The following FOXP1 variants were observed in gnomAD, a reference collection of about 807,000 sequenced individuals.
The protein encoded by FOXP1 is forkhead box P1, also known as forkhead box protein P1.
Under a neutral mutation model 98.2 loss-of-function variants are expected in FOXP1, and 15 were observed. The observed-to-expected ratio is 0.15, with a 90% CI of 0.10 to 0.24. The LOEUF is 0.24. Among genes scored for constraint, FOXP1 ranks in the 10% least tolerant of loss-of-function variants. The pLI is 1.00. For missense variants in FOXP1, 633 were observed against 848.5 expected (o/e 0.75, Z 3.15); for synonymous variants, 371 against 314.5 (o/e 1.18, Z -1.90).
intron 2 of FOXP1, among the ~76,000 whole-genome samples, chr3:71,512,676 A>C (rs1252775346): frequency 1.3e-5 from 2 of 152,200 alleles, no homozygotes; most frequent in African/African-American, 4.8e-5. Flanking sequence ...GCCACTTCAT[A>C]CAACAGCTGG....
intron 4 of FOXP1, among the ~76,000 whole-genome samples, chr3:71,313,827 G>C (rs2074884007): frequency 6.6e-6 from 1 of 152,086 alleles, no homozygotes; most frequent in Non-Finnish European, 1.5e-5. Context: ...GCCCGGTCGA[G>C]TATCTGTATT....
At chr3:71,533,921 C>G (rs375319337) in intron 2 of FOXP1, among the ~76,000 whole-genome samples, 1 of 152,116 alleles carries the variant, frequency 6.6e-6, no homozygotes. Context: ...AGAAAAAGCC[C>G]TAAGCCTTGG....
chr3:71,512,947 A>G (rs2042304694), intron 2 of FOXP1, among the ~76,000 whole-genome samples: 1 of 152,226 alleles, frequency 6.6e-6, no homozygotes, highest in Non-Finnish European at 1.5e-5. Context: ...CAAGAGTTAA[A>G]CTGAGCATCT....
At chr3:71,404,466 A>G (rs2082177446) in intron 3 of FOXP1, among the ~76,000 whole-genome samples, 1 of 152,010 alleles carries the variant, frequency 6.6e-6, no homozygotes, top group African/African-American at 2.4e-5. Context: ...CTTTATTGTT[A>G]CTTTTGATAT....
chr3:71,565,586 C>T (rs2046849805), intron 2 of FOXP1, among the ~76,000 whole-genome samples: 1 of 152,132 alleles, frequency 6.6e-6, no homozygotes, highest in African/African-American at 2.4e-5. Flanking sequence ...AAAGCGGCAG[C>T]TTATACTTGG....
At chr3:71,005,169 C>T (rs2042604592) in intron 12 of FOXP1, among the ~76,000 whole-genome samples, 1 of 151,564 alleles carries the variant, frequency 6.6e-6, no homozygotes, top group Non-Finnish European at 1.5e-5. Context: ...GCCCTAGTTT[C>T]CATTATTCTA....
intron 2 of FOXP1, among the ~76,000 whole-genome samples, chr3:71,551,030 T>C (rs1266202118): frequency 6.6e-6 from 1 of 152,172 alleles, no homozygotes; most frequent in African/African-American, 2.4e-5. Flanking sequence ...CTCACTTCAA[T>C]AATATTACCA....
At chr3:71,331,876 T>A (rs2076339560) in intron 4 of FOXP1, among the ~76,000 whole-genome samples, 1 of 94,402 alleles carries the variant, frequency 1.1e-5, no homozygotes, top group Non-Finnish European at 2.6e-5. Context: ...ACACTCTGTA[T>A]CTAGCTAATC....
chr3:71,363,859 GC>G (rs1325782105), intron 3 of FOXP1, among the ~76,000 whole-genome samples: 1 of 152,184 alleles, frequency 6.6e-6, no homozygotes, highest in Non-Finnish European at 1.5e-5. Context: ...AGATCCTGAA[GC>G]CTCTGGCACC....
intron 14 of FOXP1, 28 bp from the exon 15 acceptor site, chr3:70,978,057 A>G (rs1368304747): frequency 1.9e-6 from 3 of 1,604,186 alleles, no homozygotes; most frequent in Admixed American, 1.7e-5. Context: ...ACGTCTTAGA[A>G]GACCTTCAGA....
chr3:71,010,050 T>C (rs1021738525), intron 12 of FOXP1, among the ~76,000 whole-genome samples: 6 of 151,818 alleles, frequency 4.0e-5, no homozygotes, highest in African/African-American at 1.5e-4. Context: ...ACCACCTGTG[T>C]CTTGCCTGGT....
intron 6 of FOXP1, among the ~76,000 whole-genome samples, chr3:71,149,570 T>C (rs2060474757): frequency 6.6e-6 from 1 of 152,236 alleles, no homozygotes; most frequent in South Asian, 2.1e-4. Context: ...AAAAATATTT[T>C]TTAAAACTAC....
chr3:71,046,860 T>C, intron 10 of FOXP1, 82 bp downstream of exon 10: 1 of 1,482,068 alleles, frequency 6.7e-7, no homozygotes, highest in East Asian at 2.3e-5. Context: ...GACAATGTCC[T>C]TAACAAATAT....
At position 71,397,279 on chromosome 3, in the gene FOXP1, T is replaced by C. The variant is rs947558331; in HGVS notation, c.-167-38035A>G. Among the ~76,000 whole-genome samples the C allele has an allele frequency of 4.0e-5, 6 of 151,534 alleles. No individual in the cohort carries two copies. The South Asian group carries it at 8.3e-4, about 21-fold the overall frequency. ...AAAAACCCATTCGGAAGGAACGAGA[T>C]CTAACTGGATTCCAAAGTTCCAAAC... On this transcript the variant is annotated intron_variant, in intron 3 of 20. Coordinates refer to ENST00000649528, the MANE Select transcript of FOXP1 (RefSeq NM_001349338.3).
chr3:71,001,484 C>G (rs775148136), intron 12 of FOXP1, among the ~76,000 whole-genome samples: 1 of 152,030 alleles, frequency 6.6e-6, no homozygotes, highest in Non-Finnish European at 1.5e-5. Flanking sequence ...CATCCATATA[C>G]TGAAATGCAT....
rs527553921 is a variant in FOXP1 at position 71,549,877 on chromosome 3, A to G, written c.-298+31672T>C. On this transcript the variant is annotated intron_variant, in intron 2 of 20. Transcript: ENST00000649528. ...GCTGGGAGTAAAAAAAAAAAAAAAA[A>G]AAAAAAAAACGCTCTCTGGTAAACT... Among the ~76,000 whole-genome samples, 10 of 150,106 alleles carry G rather than the reference A, an allele frequency of 6.7e-5. No homozygotes were observed. The South Asian group carries it at 2.1e-3, about 31-fold the overall frequency.
chr3:71,409,288 G>A (rs926249384), intron 3 of FOXP1, among the ~76,000 whole-genome samples: 1 of 152,054 alleles, frequency 6.6e-6, no homozygotes. Flanking sequence ...ATTATATAGT[G>A]TTTGATTTGT....
chr3:71,503,613 A>AAC (rs1467863386), intron 2 of FOXP1, among the ~76,000 whole-genome samples: 1 of 151,574 alleles, frequency 6.6e-6, no homozygotes, highest in Non-Finnish European at 1.5e-5. Flanking sequence ...AAAAAAAAAA[A>AAC]AAAAAAAACA....
chr3:71,506,565 T>C (rs536560186), intron 2 of FOXP1, among the ~76,000 whole-genome samples: 27 of 152,296 alleles, frequency 1.8e-4, no homozygotes, highest in Admixed American at 2.0e-4. Flanking sequence ...AGGCAGCTAC[T>C]ACGTCTGCCC....
Sources: allele counts gnomAD v4.1 joint callset (sites outside exome capture counted in the v4.1 genomes callset), GRCh38; gene constraint gnomAD v4.1.1; transcripts MANE v1.5; gene names NCBI Gene and HGNC (gene_info 2026-07-23, HGNC 2026-07-21).